Variants in PABPC4L observed in about 807,000 individuals in gnomAD.
PABPC4L encodes the protein poly(A) binding protein cytoplasmic 4 like, also known as polyadenylate-binding protein 4-like.
For missense variants in PABPC4L, 452 were observed against 451.4 expected (o/e 1.00, Z -0.01); for synonymous variants, 169 against 164.1 (o/e 1.03, Z -0.23).
the PABPC4L span, among the ~76,000 whole-genome samples, chr4:134,060,336 C>A: frequency 6.6e-6 from 1 of 151,802 alleles, no homozygotes; most frequent in African/African-American, 2.4e-5. Flanking sequence ...GACTTGGGGA[C>A]CATGACCTAA....
At chr4:133,986,739 C>CTT in the PABPC4L span, among the ~76,000 whole-genome samples, 24 of 143,964 alleles carry the variant, frequency 1.7e-4, no homozygotes, top group Non-Finnish European at 2.6e-4. Context: ...AGTGAGAAGA[C>CTT]TTTTTTTTTT....
chr4:133,984,621 C>A, the PABPC4L span, among the ~76,000 whole-genome samples: 1 of 151,816 alleles, frequency 6.6e-6, no homozygotes, highest in Non-Finnish European at 1.5e-5. Context: ...GTTTTCAGGG[C>A]AGCTTCACAG....
chr4:134,201,379 A>C (rs1729877805), intron 1 of PABPC4L, 134 bp from the exon 2 acceptor site: 1 of 1,028,074 alleles, frequency 9.7e-7, no homozygotes, highest in Non-Finnish European at 1.3e-6. Flanking sequence ...TTTCTGAATA[A>C]AAATAGGCCT....
chr4:133,965,880 C>A, the PABPC4L span, among the ~76,000 whole-genome samples: 1 of 151,996 alleles, frequency 6.6e-6, no homozygotes, highest in Non-Finnish European at 1.5e-5. Flanking sequence ...AAGATAACAT[C>A]AGAAAAACCC....
the PABPC4L span, among the ~76,000 whole-genome samples, chr4:134,140,851 T>C: frequency 6.6e-5 from 10 of 151,750 alleles, no homozygotes; most frequent in African/African-American, 2.2e-4. Flanking sequence ...CCATTGATTG[T>C]TGGAAATAAA....
chr4:133,958,085 T>A, the PABPC4L span, among the ~76,000 whole-genome samples: 1 of 152,238 alleles, frequency 6.6e-6, no homozygotes, highest in Non-Finnish European at 1.5e-5. Flanking sequence ...CCTGCTTGAA[T>A]TTCTGCTCAG....
At chr4:134,068,120 G>T in the PABPC4L span, among the ~76,000 whole-genome samples, 1 of 152,108 alleles carries the variant, frequency 6.6e-6, no homozygotes, top group African/African-American at 2.4e-5. Flanking sequence ...TTAGTGGAGT[G>T]CTGAAGTCTC....
the PABPC4L span, among the ~76,000 whole-genome samples, chr4:133,959,125 T>C: frequency 1.6e-4 from 24 of 151,438 alleles, no homozygotes; most frequent in African/African-American, 5.9e-4. Context: ...AGAGGCTTCA[T>C]TCCAAAATAC....
the PABPC4L span, among the ~76,000 whole-genome samples, chr4:134,167,128 T>C: frequency 6.6e-6 from 1 of 152,170 alleles, no homozygotes; most frequent in Admixed American, 6.6e-5. Flanking sequence ...ACTGTAGTGC[T>C]AGATACATGG....
the PABPC4L span, among the ~76,000 whole-genome samples, chr4:133,955,398 A>C: frequency 6.6e-6 from 1 of 152,184 alleles, no homozygotes. Context: ...ATTTTCAACT[A>C]TTAAATAGTT....
At chr4:133,970,417 C>T in the PABPC4L span, among the ~76,000 whole-genome samples, 1 of 152,114 alleles carries the variant, frequency 6.6e-6, no homozygotes, top group Admixed American at 6.6e-5. Context: ...ACAGAGATGG[C>T]TGAAAATCTG....
At chr4:134,129,470 G>A in the PABPC4L span, among the ~76,000 whole-genome samples, 1 of 151,866 alleles carries the variant, frequency 6.6e-6, no homozygotes, top group African/African-American at 2.4e-5. Flanking sequence ...ATTATATCAA[G>A]TACTCTCTCA....
chr4:133,962,802 C>T, the PABPC4L span, among the ~76,000 whole-genome samples: 1 of 152,134 alleles, frequency 6.6e-6, no homozygotes, highest in Admixed American at 6.6e-5. Context: ...CAAACAAATG[C>T]TGAGAAAATT....
At chr4:134,110,613 T>G in the PABPC4L span, among the ~76,000 whole-genome samples, 1 of 145,876 alleles carries the variant, frequency 6.9e-6, no homozygotes, top group African/African-American at 2.5e-5. Flanking sequence ...GTGTATTCAT[T>G]GGGGGATTAA....
chr4:134,074,512 A>C, the PABPC4L span, among the ~76,000 whole-genome samples: 10 of 151,994 alleles, frequency 6.6e-5, no homozygotes, highest in African/African-American at 2.2e-4. Flanking sequence ...AGCCCCCAAA[A>C]CTGTCCTAAC....
At chr4:134,150,487 G>T in the PABPC4L span, among the ~76,000 whole-genome samples, 1 of 152,060 alleles carries the variant, frequency 6.6e-6, no homozygotes, top group Non-Finnish European at 1.5e-5. Flanking sequence ...TTCAGTTCTT[G>T]AGCCAAATAT....
the PABPC4L span, among the ~76,000 whole-genome samples, chr4:134,152,564 A>C: frequency 1.3e-5 from 2 of 152,216 alleles, no homozygotes; most frequent in East Asian, 3.9e-4. Flanking sequence ...GCACTCCTGC[A>C]TTCTGGGCAT....
the PABPC4L span, among the ~76,000 whole-genome samples, chr4:134,023,695 G>C: frequency 2.6e-5 from 4 of 151,748 alleles, no homozygotes; most frequent in Admixed American, 2.0e-4. Flanking sequence ...GGGTGTTTTG[G>C]TTAGATAATC....
chr4:134,143,834 A>G, the PABPC4L span, among the ~76,000 whole-genome samples: 2 of 151,496 alleles, frequency 1.3e-5, no homozygotes, highest in African/African-American at 2.4e-5. Flanking sequence ...CTAAATTTCT[A>G]TTTTATAGTG....
Sources: gnomAD v4.1 joint callset for allele counts (sites outside exome capture counted in the v4.1 genomes callset) on GRCh38, gnomAD v4.1.1 for gene constraint, MANE v1.5 for transcripts, NCBI Gene and HGNC (gene_info 2026-07-23, HGNC 2026-07-21) for gene names.